Variants in MIGA1 observed in about 807,000 individuals in gnomAD.
MIGA1 encodes the protein family with sequence similarity 73, member A.
Under a neutral mutation model 82.0 loss-of-function variants are expected in MIGA1, and 58 were observed. The ratio of observed to expected loss-of-function variants is 0.71; its 90% CI spans 0.57 to 0.88. MIGA1 has a LOEUF of 0.88. Ranked by LOEUF, MIGA1 falls within the 40% of genes least tolerant of loss-of-function variation. The pLI, the probability that MIGA1 is intolerant of heterozygous loss-of-function variation, is 0.00. For synonymous variants in MIGA1, 249 were observed against 253.6 expected, an observed-to-expected ratio of 0.98 and a Z score of 0.17; for missense variants, 751 against 749.1, an observed-to-expected ratio of 1.00 and a Z score of -0.03.
intron 1 of MIGA1, 21 bp downstream of exon 1, chr1:77,779,757 TG>T: frequency 7.3e-7 from 1 of 1,378,796 alleles, no homozygotes; most frequent in East Asian, 3.0e-5. Context: ...AGGGGCGGGG[TG>T]GGGTGGAGAG....
intron 2 of MIGA1, among the ~76,000 whole-genome samples, chr1:77,793,730 G>T (rs1212796563): frequency 6.7e-6 from 1 of 150,300 alleles, no homozygotes; most frequent in South Asian, 2.1e-4. Flanking sequence ...CTCCCAAAGT[G>T]CTGGGATTAC....
intron 14 of MIGA1, among the ~76,000 whole-genome samples, chr1:77,868,921 T>C (rs1685780652): frequency 6.7e-6 from 1 of 148,976 alleles, no homozygotes; most frequent in Admixed American, 6.7e-5. Context: ...CACATTTTCT[T>C]TTTTTTTTTA....
chr1:77,835,870 C>T (rs753117384), intron 7 of MIGA1, among the ~76,000 whole-genome samples: 3 of 152,040 alleles, frequency 2.0e-5, no homozygotes, highest in Non-Finnish European at 2.9e-5. Context: ...ATCGCTTCAA[C>T]CTGGGAGGTG....
At chr1:77,800,025 G>A (rs1682811539) in intron 2 of MIGA1, among the ~76,000 whole-genome samples, 1 of 151,944 alleles carries the variant, frequency 6.6e-6, no homozygotes, top group African/African-American at 2.4e-5. Flanking sequence ...GCATTTAATG[G>A]CATAAATTTC....
chr1:77,820,993 G>A (rs1356317163), intron 7 of MIGA1, among the ~76,000 whole-genome samples: 1 of 152,150 alleles, frequency 6.6e-6, no homozygotes, highest in Non-Finnish European at 1.5e-5. Flanking sequence ...AATTAGCTGG[G>A]TGTGGTGGCG....
At chr1:77,836,774 A>G (rs1684439204) in intron 7 of MIGA1, among the ~76,000 whole-genome samples, 1 of 152,188 alleles carries the variant, frequency 6.6e-6, no homozygotes, top group Non-Finnish European at 1.5e-5. Flanking sequence ...TATGGTCAAC[A>G]TACCCTCAGA....
chr1:77,854,257 A>G (rs187165560), intron 8 of MIGA1, among the ~76,000 whole-genome samples: 5 of 152,200 alleles, frequency 3.3e-5, no homozygotes, highest in African/African-American at 1.2e-4. Context: ...CTTCATCTAT[A>G]CATACCACAG....
intron 8 of MIGA1, chr1:77,848,793 A>G (rs12409958): frequency 0.31 from 391,409 of 1,245,326 alleles, 68,205 homozygotes; most frequent in Non-Finnish European, 0.36. Context: ...TTGACAAACA[A>G]GATGATTGAT....
intron 2 of MIGA1, among the ~76,000 whole-genome samples, chr1:77,786,903 T>A (rs1570915592): frequency 6.6e-6 from 1 of 152,172 alleles, no homozygotes; most frequent in Non-Finnish European, 1.5e-5. Flanking sequence ...AGCACCCCAC[T>A]CTACTGGTAC....
intron 7 of MIGA1, among the ~76,000 whole-genome samples, chr1:77,834,039 T>G (rs1218614552): frequency 6.6e-6 from 1 of 152,258 alleles, no homozygotes; most frequent in Non-Finnish European, 1.5e-5. Flanking sequence ...AATCTTCTTT[T>G]GGGTAATATC....
chr1:77,844,404 G>A (rs1354917372), intron 8 of MIGA1, among the ~76,000 whole-genome samples: 12 of 151,800 alleles, frequency 7.9e-5, no homozygotes, highest in African/African-American at 1.9e-4. Context: ...GGAAACAAAC[G>A]TGCGTGATAT....
chr1:77,840,408 G>A (rs1007663002), intron 7 of MIGA1, among the ~76,000 whole-genome samples: 12 of 152,268 alleles, frequency 7.9e-5, no homozygotes, highest in Admixed American at 7.9e-4. Context: ...CATCAGACAT[G>A]GGTAATGTCT....
intron 8 of MIGA1, among the ~76,000 whole-genome samples, chr1:77,857,952 T>TA (rs1213732971): frequency 6.6e-6 from 1 of 152,206 alleles, no homozygotes; most frequent in African/African-American, 2.4e-5. Context: ...TTTGCTTCAT[T>TA]ATAATCATAG....
rs1235127132 is a variant in MIGA1 at position 77,875,675 on chromosome 1, C to T, written c.*611C>T. 2.6e-5 allele frequency: 4 copies of T among 152,458 alleles called. No homozygotes were observed. Among genetic ancestry groups the T allele is most frequent in the African/African-American group, 9.7e-5 (4 of 41,438 alleles). 9.4% of individuals were successfully genotyped at this position (152,458 alleles called of 1,614,324 possible). A position where few individuals can be genotyped will look rare whatever the true frequency, so the allele number is the denominator to read the frequency against. On this transcript the variant is annotated 3_prime_UTR_variant, in exon 16 of 16. Coordinates refer to ENST00000370791, the MANE Select transcript of MIGA1 (RefSeq NM_198549.4). Reference sequence around the variant, plus strand: ...CATTTAAATGGGCCACTTGCAGTGGCTCATGCCTGTAATACATTGGGAGGC... The same window carrying T: ...CATTTAAATGGGCCACTTGCAGTGGTTCATGCCTGTAATACATTGGGAGGC...
chr1:77,836,499 A>G (rs1684428115), intron 7 of MIGA1, among the ~76,000 whole-genome samples: 1 of 152,268 alleles, frequency 6.6e-6, no homozygotes, highest in Non-Finnish European at 1.5e-5. Flanking sequence ...TATGTAGAGT[A>G]GAAACAGGAG....
chr1:77,810,890 GAAGATA>G, intron 5 of MIGA1: 1 of 1,611,752 alleles, frequency 6.2e-7, no homozygotes, highest in African/African-American at 1.3e-5. Flanking sequence ...TGATGTAGAT[GAAGATA>G]AAGTGGTTTC....
At chr1:77,827,495 T>TA (rs1684078510) in intron 7 of MIGA1, among the ~76,000 whole-genome samples, 1 of 151,798 alleles carries the variant, frequency 6.6e-6, no homozygotes, top group Admixed American at 6.6e-5. Flanking sequence ...TAAAATAAAA[T>TA]AAAAAATTAT....
chr1:77,827,007 A>G (rs1261359795), intron 7 of MIGA1, among the ~76,000 whole-genome samples: 1 of 145,594 alleles, frequency 6.9e-6, no homozygotes, highest in Non-Finnish European at 1.5e-5. Flanking sequence ...GGATTTCACC[A>G]TGTTGGCCAG....
At chr1:77,782,646 TTTTG>T (rs1453256481) in intron 1 of MIGA1, among the ~76,000 whole-genome samples, 2 of 152,244 alleles carry the variant, frequency 1.3e-5, no homozygotes, top group Non-Finnish European at 2.9e-5. Context: ...ACTTTTCTTT[TTTTG>T]TTTAAGAGAA....
Sources: gnomAD v4.1 joint callset for allele counts (sites outside exome capture counted in the v4.1 genomes callset) on GRCh38, gnomAD v4.1.1 for gene constraint, MANE v1.5 for transcripts, NCBI Gene and HGNC (gene_info 2026-07-23, HGNC 2026-07-21) for gene names.